The following JMJD1C variants were observed in gnomAD, a reference collection of about 807,000 sequenced individuals.
JMJD1C encodes jumonji domain containing 1C, also known as jumonji domain-containing protein 1C.
In JMJD1C, 31 loss-of-function variants were observed where a neutral mutation model predicts 245.3. The ratio of observed to expected loss-of-function variants is 0.13; its 90% CI spans 0.09 to 0.17. The LOEUF (loss-of-function observed/expected upper bound fraction) is 0.17, where lower values mean the gene tolerates loss of function less well. Ranked by LOEUF, JMJD1C falls within the 10% of genes least tolerant of loss-of-function variation. The pLI, the probability that JMJD1C is intolerant of heterozygous loss-of-function variation, is 1.00. For missense variants in JMJD1C, 2,691 were observed against 3,000.2 expected (o/e 0.90, Z 2.41); for synonymous variants, 1,057 against 1,017.4 (o/e 1.04, Z -0.74).
chr10:63,466,017 G>A (rs562192595), upstream of JMJD1C: 8 of 249,962 alleles, frequency 3.2e-5, no homozygotes, highest in African/African-American at 1.8e-4. Flanking sequence ...CGCGCAGCGC[G>A]TCTCCTTCCG....
chr10:63,419,829 T>C (rs1322977026), intron 1 of JMJD1C, among the ~76,000 whole-genome samples: 3 of 60,338 alleles, frequency 5.0e-5, no homozygotes, highest in African/African-American at 7.9e-5. Context: ...AAATCCTCCA[T>C]GAAATAAAAA....
At chr10:63,283,527 C>T (rs2133899198) in intron 2 of JMJD1C, among the ~76,000 whole-genome samples, 1 of 152,126 alleles carries the variant, frequency 6.6e-6, no homozygotes, top group South Asian at 2.1e-4. Context: ...CCACCACACC[C>T]AGCTAATTTT....
rs759594076 is a variant in JMJD1C, at chr10:63,424,057, TTGTG to T, written c.168+41434_168+41437del. On this transcript the variant is annotated intron_variant, in intron 1 of 25. Coordinates refer to ENST00000399262, the MANE Select transcript of JMJD1C (RefSeq NM_032776.3). ...TATTAAACCATTGTCAGACATATGA[TTGTG>T]TGTATTTTTTTAATTAAAAAATGGA... is the stretch of plus-strand genomic sequence containing the variant. 1.1e-3 allele frequency among the ~76,000 whole-genome samples: 171 copies of T among 152,158 alleles called. 1 individual carries two copies. The highest frequency in any genetic ancestry group is 1.2e-3 in the Non-Finnish European group (82 of 68,036).
chr10:63,229,600 G>C (rs1311159820), intron 3 of JMJD1C, among the ~76,000 whole-genome samples: 3 of 151,968 alleles, frequency 2.0e-5, no homozygotes, highest in African/African-American at 7.3e-5. Context: ...TAGAATTGAT[G>C]AAAGGAGTAA....
chr10:63,289,210 A>G (rs1858351522), intron 2 of JMJD1C, among the ~76,000 whole-genome samples: 1 of 152,184 alleles, frequency 6.6e-6, no homozygotes, highest in South Asian at 2.1e-4. Flanking sequence ...TAAAAAATCC[A>G]GAACTAGTGA....
At chr10:63,499,698 C>A (rs1338376679) in intron 1 of JMJD1C, among the ~76,000 whole-genome samples, 1 of 152,094 alleles carries the variant, frequency 6.6e-6, no homozygotes. Context: ...AATTAAAAAA[C>A]AAATTCAGAA....
intron 1 of JMJD1C, among the ~76,000 whole-genome samples, chr10:63,487,229 A>G (rs1005409470): frequency 2.4e-4 from 36 of 152,194 alleles, no homozygotes; most frequent in African/African-American, 8.0e-4. Context: ...AAAATTAAGG[A>G]CCCAGTTGAA....
In JMJD1C at chr10:63,207,468, A is replaced by T; in HGVS notation, c.4201T>A (p.Ser1401Thr). ...GAAACACTGGTAGTATCGGCAGCAGATGTGATTACATCCGTTTTGGTATTA... is the reference window on the plus strand; with the variant it reads ...GAAACACTGGTAGTATCGGCAGCAGTTGTGATTACATCCGTTTTGGTATTA... ...MCNTKTDVIT[S>T]AADTTSVSSW... The change falls in exon 10 of 26, where the codon TCT (serine) becomes ACT (threonine). Residue 1401 changes from serine to threonine, a missense_variant. Physicochemically the swap from Ser to Thr is moderately conservative, Grantham distance 58. This residue lies in a region of JMJD1C where 1,562 missense variants were observed against 1,490.7 expected (regional missense o/e 1.05). Transcript: ENST00000399262. 2 of 1,614,214 alleles carry T rather than the reference A, an allele frequency of 1.2e-6. No homozygotes were observed. Among genetic ancestry groups the T allele is most frequent in the Admixed American group, 3.3e-5 (2 of 60,030 alleles).
chr10:63,232,720 T>A (rs1177455132), intron 3 of JMJD1C, among the ~76,000 whole-genome samples: 1 of 152,204 alleles, frequency 6.6e-6, no homozygotes, highest in African/African-American at 2.4e-5. Context: ...TGAGAAATTA[T>A]GAAATGGTAA....
intron 2 of JMJD1C, among the ~76,000 whole-genome samples, chr10:63,297,923 C>T (rs907385930): frequency 3.3e-5 from 5 of 152,236 alleles, no homozygotes; most frequent in African/African-American, 9.6e-5. Context: ...GGCTGTGACA[C>T]GCTGTAACAC....
chr10:63,430,867 C>T (rs1424090661), intron 1 of JMJD1C, among the ~76,000 whole-genome samples: 1 of 152,136 alleles, frequency 6.6e-6, no homozygotes, highest in Non-Finnish European at 1.5e-5. Flanking sequence ...CCTCAGCTTC[C>T]CGAGTAGCTG....
chr10:63,311,150 C>A (rs891355868), intron 2 of JMJD1C, among the ~76,000 whole-genome samples: 3 of 150,620 alleles, frequency 2.0e-5, no homozygotes, highest in Admixed American at 6.6e-5. Context: ...GCAGGCAGAT[C>A]ACCTGAGGTC....
chr10:63,476,948 T>C (rs192971582), intron 1 of JMJD1C, among the ~76,000 whole-genome samples: 2 of 152,000 alleles, frequency 1.3e-5, no homozygotes, highest in South Asian at 2.1e-4. Flanking sequence ...CACTACAGAT[T>C]CTACAAATAT....
chr10:63,203,298 T>G, intron 10 of JMJD1C: 1 of 981,940 alleles, frequency 1.0e-6, no homozygotes, highest in Non-Finnish European at 1.2e-6. Flanking sequence ...AACCTAGAAG[T>G]TTGAGATTAA....
chr10:63,395,093 G>A (rs1056116288), intron 1 of JMJD1C, among the ~76,000 whole-genome samples: 8 of 152,090 alleles, frequency 5.3e-5, no homozygotes, highest in Non-Finnish European at 1.0e-4. Context: ...CAGGCAGCAA[G>A]TAAGCACATC....
At chr10:63,244,281 G>T (rs1053223054) in intron 3 of JMJD1C, among the ~76,000 whole-genome samples, 1 of 152,046 alleles carries the variant, frequency 6.6e-6, no homozygotes, top group African/African-American at 2.4e-5. Context: ...CTCCACTTTG[G>T]GACCACTGCA....
At chr10:63,407,734 A>AAGAATATTCTGAATGAGGTG (rs1949251470) in intron 1 of JMJD1C, among the ~76,000 whole-genome samples, 1 of 152,024 alleles carries the variant, frequency 6.6e-6, no homozygotes, top group African/African-American at 2.4e-5. Context: ...TAAAAAAAAA[A>AAGAATATTCTGAATGAGGTG]AGAATATTCT....
At chr10:63,422,533 T>C (rs1950183652) in intron 1 of JMJD1C, among the ~76,000 whole-genome samples, 2 of 152,256 alleles carry the variant, frequency 1.3e-5, no homozygotes, top group Non-Finnish European at 2.9e-5. Context: ...TTATATTTTC[T>C]ACTCAGCCCA....
At chr10:63,291,146 A>G (rs543275413) in intron 2 of JMJD1C, among the ~76,000 whole-genome samples, 6 of 151,642 alleles carry the variant, frequency 4.0e-5, no homozygotes, top group Admixed American at 2.0e-4. Flanking sequence ...CTCTACTAAC[A>G]ATACAAAAAA....
Sources: allele counts gnomAD v4.1 joint callset (sites outside exome capture counted in the v4.1 genomes callset), GRCh38; gene constraint gnomAD v4.1.1; regional missense constraint gnomAD v4.1.1; transcripts MANE v1.5; gene names NCBI Gene and HGNC (gene_info 2026-07-23, HGNC 2026-07-21).